The following STAC variants were observed in gnomAD, a reference collection of about 807,000 sequenced individuals.
STAC encodes the protein SH3 and cysteine rich domain.
In STAC, 43 loss-of-function variants were observed where a neutral mutation model predicts 48.8. That is an observed-to-expected ratio of 0.88 (90% CI 0.69 to 1.14). The LOEUF (loss-of-function observed/expected upper bound fraction) is 1.14, where lower values mean the gene tolerates loss of function less well. Among genes scored for constraint, STAC ranks in the 50% most tolerant of loss-of-function variants. The probability of loss-of-function intolerance (pLI) is 0.00; values close to 1 mark genes in which losing one functional copy is unlikely to be tolerated. For synonymous variants in STAC, 193 were observed against 179.5 expected, an observed-to-expected ratio of 1.07 and a Z score of -0.60; for missense variants, 497 against 504.0, an observed-to-expected ratio of 0.99 and a Z score of 0.13.
intron 1 of STAC, among the ~76,000 whole-genome samples, chr3:36,399,827 G>C (rs1699965405): frequency 6.6e-6 from 1 of 152,116 alleles, no homozygotes; most frequent in South Asian, 2.1e-4. Context: ...ATAAATCAAA[G>C]CCCAGATCTG....
intron 8 of STAC, among the ~76,000 whole-genome samples, chr3:36,517,828 T>G (rs1698710357): frequency 6.6e-6 from 1 of 152,062 alleles, no homozygotes; most frequent in Admixed American, 6.6e-5. Flanking sequence ...GATACACTTA[T>G]ACATGTAAAT....
At chr3:36,409,624 C>T (rs1490476457) in intron 1 of STAC, 2 of 152,174 alleles carry the variant, frequency 1.3e-5, no homozygotes, top group African/African-American at 4.8e-5. Context: ...TGATTCTGCA[C>T]AGTGACACTG....
At chr3:36,441,787 T>A (rs1172636899) in intron 1 of STAC, among the ~76,000 whole-genome samples, 2 of 152,208 alleles carry the variant, frequency 1.3e-5, no homozygotes, top group East Asian at 1.9e-4. Flanking sequence ...GTAACTGGAG[T>A]GAGATGATAC....
rs75412954 is a variant in STAC, at chr3:36,463,489, T to A, written c.389-19503T>A. ...CAAAATCTCTCATTTTAATTTTTTT[T>A]AATTTTTTTTGGTAGTTTTTCTTTT... On this transcript the variant is annotated intron_variant, in intron 2 of 10. Coordinates refer to ENST00000273183, the MANE Select transcript of STAC (RefSeq NM_003149.3). Among the ~76,000 whole-genome samples the A allele has an allele frequency of 1.8e-3, 268 of 151,076 alleles. 5 individuals are homozygous for A. The East Asian group carries it at 0.047, about 27-fold the overall frequency.
intron 2 of STAC, among the ~76,000 whole-genome samples, chr3:36,458,834 A>G (rs1250906227): frequency 1.3e-5 from 2 of 152,230 alleles, no homozygotes; most frequent in South Asian, 2.1e-4. Context: ...CTGCTGATCT[A>G]TAAGCCAGGA....
At chr3:36,399,086 T>C (rs1699948228) in intron 1 of STAC, among the ~76,000 whole-genome samples, 2 of 152,196 alleles carry the variant, frequency 1.3e-5, no homozygotes, top group South Asian at 2.1e-4. Context: ...AGGACTTTTT[T>C]TTTAACTTTG....
intron 2 of STAC, among the ~76,000 whole-genome samples, chr3:36,476,936 T>C (rs929070058): frequency 3.9e-5 from 6 of 152,162 alleles, no homozygotes; most frequent in African/African-American, 1.2e-4. Flanking sequence ...CCTGTACTGG[T>C]GGACGTTGAG....
chr3:36,492,657 A>C (rs1035088205), intron 5 of STAC, among the ~76,000 whole-genome samples: 9 of 152,200 alleles, frequency 5.9e-5, no homozygotes, highest in Non-Finnish European at 1.3e-4. Context: ...TTAAAAAGAG[A>C]GTCAGGATAC....
At chr3:36,533,923 C>T (rs1168081918) in intron 10 of STAC, among the ~76,000 whole-genome samples, 4 of 151,870 alleles carry the variant, frequency 2.6e-5, no homozygotes, top group Non-Finnish European at 2.9e-5. Context: ...TTGCATGTCA[C>T]GGGGGTTTGG....
At chr3:36,508,527 G>A (rs1055463595) in intron 8 of STAC, among the ~76,000 whole-genome samples, 12 of 152,138 alleles carry the variant, frequency 7.9e-5, no homozygotes, top group Admixed American at 3.3e-4. Context: ...GTGTGTTAAA[G>A]TCTCCCACTA....
intron 1 of STAC, among the ~76,000 whole-genome samples, chr3:36,442,978 T>C (rs939150746): frequency 5.9e-5 from 9 of 152,218 alleles, no homozygotes; most frequent in African/African-American, 2.2e-4. Flanking sequence ...GCTTTACACA[T>C]GTAGCCTTTG....
At chr3:36,391,435 C>A (rs948332761) in intron 1 of STAC, among the ~76,000 whole-genome samples, 2 of 152,226 alleles carry the variant, frequency 1.3e-5, no homozygotes, top group African/African-American at 4.8e-5. Context: ...ACCCAGACAT[C>A]ACTCTAGTGA....
At chr3:36,465,745 G>A (rs59872383) in intron 2 of STAC, among the ~76,000 whole-genome samples, 3,052 of 152,244 alleles carry the variant, frequency 0.02, 100 homozygotes, top group African/African-American at 0.07. Flanking sequence ...GGAGACCGAT[G>A]TTTGAGGGCA....
chr3:36,465,961 T>G (rs1467042737), intron 2 of STAC, among the ~76,000 whole-genome samples: 3 of 152,172 alleles, frequency 2.0e-5, no homozygotes, highest in Non-Finnish European at 4.4e-5. Flanking sequence ...GATTAATACT[T>G]TGTATCCCTC....
At chr3:36,529,249 A>G (rs368720548) in intron 10 of STAC, 275 of 228,430 alleles carry the variant, frequency 1.2e-3, no homozygotes, top group African/African-American at 5.7e-3. Flanking sequence ...TGCTCTTCTC[A>G]GAAGACCACC....
chr3:36,439,302 G>A lies in STAC; in HGVS notation c.112-4062G>A, dbSNP rs117930390. 1.7e-4 allele frequency among the ~76,000 whole-genome samples: 26 copies of A among 152,252 alleles called. No individual in the cohort carries two copies. In the East Asian group the frequency reaches 3.1e-3, roughly 18 times the overall value. ...CTGGTGAAGCACTTAGCTCAGCTCCGTATTCCTAGCTCCTTGGTTCCCCAC... is the reference window on the plus strand; with the variant it reads ...CTGGTGAAGCACTTAGCTCAGCTCCATATTCCTAGCTCCTTGGTTCCCCAC... On this transcript the variant is annotated intron_variant, in intron 1 of 10. Coordinates refer to ENST00000273183, the MANE Select transcript of STAC (RefSeq NM_003149.3).
intron 8 of STAC, among the ~76,000 whole-genome samples, chr3:36,507,387 T>C (rs1698430080): frequency 6.6e-6 from 1 of 152,146 alleles, no homozygotes; most frequent in South Asian, 2.1e-4. Context: ...TTCTTTTTTG[T>C]TGCATCTCTG....
chr3:36,494,105 T>C (rs1001420038), intron 6 of STAC, among the ~76,000 whole-genome samples: 31 of 130,918 alleles, frequency 2.4e-4, no homozygotes, highest in African/African-American at 9.2e-4. Context: ...TGAGCCGAGA[T>C]CGCGCCACTG....
chr3:36,386,540 A>AT (rs1272004723), intron 1 of STAC, among the ~76,000 whole-genome samples: 3 of 151,944 alleles, frequency 2.0e-5, no homozygotes, highest in South Asian at 4.2e-4. Context: ...TTCCAAAGTC[A>AT]TTTAGATATT....
Sources: gnomAD v4.1 joint callset for allele counts (sites outside exome capture counted in the v4.1 genomes callset) on GRCh38, gnomAD v4.1.1 for gene constraint, MANE v1.5 for transcripts, NCBI Gene and HGNC (gene_info 2026-07-23, HGNC 2026-07-21) for gene names.